TENM4: variants seen among roughly 807,000 people sequenced by gnomAD.
TENM4 encodes the protein teneurin transmembrane protein 4, also known as teneurin-4.
Under a neutral mutation model 243.3 loss-of-function variants are expected in TENM4, and 82 were observed. The ratio of observed to expected loss-of-function variants is 0.34; its 90% CI spans 0.28 to 0.40. The LOEUF is 0.40. Among genes scored for constraint, TENM4 ranks in the 10% least tolerant of loss-of-function variants. The pLI is 1.00. For missense variants in TENM4, 3,138 were observed against 3,673.3 expected, an observed-to-expected ratio of 0.85 and a Z score of 3.77; for synonymous variants, 1,412 against 1,456.3, an observed-to-expected ratio of 0.97 and a Z score of 0.69.
At chr11:79,044,611 G>A (rs568546622) in intron 6 of TENM4, among the ~76,000 whole-genome samples, 9 of 152,212 alleles carry the variant, frequency 5.9e-5, no homozygotes, top group South Asian at 2.1e-4. Flanking sequence ...GAAACACATC[G>A]TACTAAACGC....
intron 28 of TENM4, among the ~76,000 whole-genome samples, chr11:78,699,700 AT>A (rs1414627865): frequency 2.6e-5 from 4 of 152,210 alleles, no homozygotes; most frequent in African/African-American, 9.6e-5. Context: ...ATAGCTGTAT[AT>A]TTCATCAAGG....
At chr11:79,063,510 C>G (rs1165287562) in intron 6 of TENM4, among the ~76,000 whole-genome samples, 1 of 152,158 alleles carries the variant, frequency 6.6e-6, no homozygotes, top group Non-Finnish European at 1.5e-5. Context: ...AAACAGCCCT[C>G]CAGGTGCTGG....
intron 1 of TENM4, among the ~76,000 whole-genome samples, chr11:79,298,741 C>T (rs921002995): frequency 2.6e-5 from 4 of 152,110 alleles, no homozygotes; most frequent in African/African-American, 9.7e-5. Flanking sequence ...AAGAAAACTG[C>T]AGCTCAGCAA....
chr11:78,794,499 C>T (rs1016379905), intron 15 of TENM4, among the ~76,000 whole-genome samples: 3 of 152,176 alleles, frequency 2.0e-5, no homozygotes, highest in African/African-American at 4.8e-5. Context: ...CGAATGAGAG[C>T]GAGAACTCAC....
chr11:79,129,450 G>A (rs1292409828), intron 4 of TENM4, among the ~76,000 whole-genome samples: 3 of 152,192 alleles, frequency 2.0e-5, no homozygotes, highest in Non-Finnish European at 4.4e-5. Flanking sequence ...CTTTTCTTTT[G>A]CAGCTGGGAA....
At chr11:79,202,123 T>A (rs1863750111) in intron 3 of TENM4, among the ~76,000 whole-genome samples, 1 of 152,146 alleles carries the variant, frequency 6.6e-6, no homozygotes, top group African/African-American at 2.4e-5. Flanking sequence ...TGGGGCATGA[T>A]GAGCCTGAGG....
At chr11:78,873,813 G>A (rs921360122) in intron 9 of TENM4, among the ~76,000 whole-genome samples, 1 of 152,110 alleles carries the variant, frequency 6.6e-6, no homozygotes, top group African/African-American at 2.4e-5. Flanking sequence ...ACTTCTGCCT[G>A]CTCAGGAGTC....
chr11:78,984,388 G>A (rs1329327261), intron 6 of TENM4, among the ~76,000 whole-genome samples: 1 of 152,184 alleles, frequency 6.6e-6, no homozygotes, highest in Admixed American at 6.5e-5. Flanking sequence ...TGGTGACATA[G>A]TTTCCCCTCC....
At chr11:79,408,706 T>C (rs1445994291) in intron 1 of TENM4, among the ~76,000 whole-genome samples, 1 of 152,148 alleles carries the variant, frequency 6.6e-6, no homozygotes, top group African/African-American at 2.4e-5. Context: ...TGATATTTCC[T>C]CCCAATAAGT....
intron 1 of TENM4, among the ~76,000 whole-genome samples, chr11:79,439,816 GT>G (rs1235263195): frequency 6.6e-6 from 1 of 152,188 alleles, no homozygotes; most frequent in Non-Finnish European, 1.5e-5. Context: ...GAAGCTGGGG[GT>G]GAGAGTAGTC....
intron 6 of TENM4, among the ~76,000 whole-genome samples, chr11:79,008,748 G>A (rs762776625): frequency 3.9e-4 from 60 of 152,080 alleles, no homozygotes; most frequent in Admixed American, 1.3e-3. Flanking sequence ...GTCCTATTTC[G>A]AATGAGATCC....
rs143419923 is a variant in TENM4, at chr11:79,373,952, A to T, written c.-321+66557T>A. On this transcript the variant is annotated intron_variant, in intron 1 of 33. Transcript: ENST00000278550. ...AGAGGAAAGCAAGTGTTCCAGGACA[A>T]TTGGGGTGAGGGCCATCCAAGGCTG... 2.1e-3 allele frequency among the ~76,000 whole-genome samples: 316 copies of T among 152,210 alleles called. 2 individuals carry two copies. Among genetic ancestry groups the T allele is most frequent in the African/African-American group, 7.0e-3 (292 of 41,548 alleles).
At chr11:79,287,797 T>C (rs1041324763) in intron 2 of TENM4, among the ~76,000 whole-genome samples, 1 of 152,162 alleles carries the variant, frequency 6.6e-6, no homozygotes, top group African/African-American at 2.4e-5. Context: ...GGCAAAAAAG[T>C]AATTGTCTCA....
intron 7 of TENM4, among the ~76,000 whole-genome samples, chr11:78,902,118 G>T (rs1855941505): frequency 1.3e-5 from 2 of 152,140 alleles, no homozygotes; most frequent in Non-Finnish European, 2.9e-5. Flanking sequence ...CACTACTTTA[G>T]GAAGTAGGGT....
At position 79,064,879 on chromosome 11, in the gene TENM4, C is replaced by T. The variant is rs951661299; in HGVS notation, c.352G>A (p.Glu118Lys). 13 of 1,550,294 alleles carry T rather than the reference C, an allele frequency of 8.4e-6. No individual in the cohort carries two copies. Among genetic ancestry groups the T allele is most frequent in the African/African-American group, 1.4e-5 (1 of 73,032 alleles). The change falls in exon 6 of 34, where the codon GAG (glutamate) becomes AAG (lysine). Residue 118 changes from glutamate (E) to lysine (K), a missense_variant. This residue lies in a region of TENM4 where 671 missense variants were observed against 614.1 expected (regional missense o/e 1.09). Transcript: ENST00000278550. ...SMGAGSDADMEADTVLSPEHP... is the reference protein window; with the variant it reads ...SMGAGSDADMKADTVLSPEHP... ...TCAGGGGACAGCACCGTGTCAGCCT[C>T]CATGTCGGCATCAGAGCCAGCCCCC...
At chr11:79,349,422 A>G (rs539682532) in intron 1 of TENM4, among the ~76,000 whole-genome samples, 1 of 152,338 alleles carries the variant, frequency 6.6e-6, no homozygotes, top group South Asian at 2.1e-4. Flanking sequence ...AACACCTTTC[A>G]TTTGCTTTGC....
At chr11:79,086,835 CA>C (rs371315703) in intron 4 of TENM4, among the ~76,000 whole-genome samples, 357 of 89,062 alleles carry the variant, frequency 4.0e-3, no homozygotes, top group African/African-American at 9.2e-3. Context: ...CTCTGTCTCG[CA>C]AAAAAAAAAA....
intron 6 of TENM4, among the ~76,000 whole-genome samples, chr11:78,928,116 C>T (rs914306622): frequency 1.3e-5 from 2 of 152,148 alleles, no homozygotes; most frequent in African/African-American, 4.8e-5. Flanking sequence ...CCACCCATCC[C>T]TAGACTACCC....
At position 78,860,323 on chromosome 11, in the gene TENM4, T is replaced by C. The variant is rs555655833; in HGVS notation, c.1255+2639A>G. Among the ~76,000 whole-genome samples, 3 of 152,328 alleles carry C rather than the reference T, an allele frequency of 2.0e-5. No individual in the cohort carries two copies. In the East Asian group the frequency reaches 5.8e-4, roughly 29 times the overall value. ...GATATAGTTATCCTTGTTCTACAGA[T>C]GAGGAAGGTCAAGGGAGATGCAGTA... On this transcript the variant is annotated intron_variant, in intron 10 of 33. Transcript: ENST00000278550.
Sources: allele counts gnomAD v4.1 joint callset (sites outside exome capture counted in the v4.1 genomes callset), GRCh38; gene constraint gnomAD v4.1.1; regional missense constraint gnomAD v4.1.1; transcripts MANE v1.5; gene names NCBI Gene and HGNC (gene_info 2026-07-23, HGNC 2026-07-21).